Variants in DSC2 observed in about 807,000 individuals in gnomAD.
DSC2 encodes desmocollin 2, also known as desmocollin-2.
A neutral mutation model predicts 87.6 loss-of-function variants in DSC2; 51 were observed. The observed-to-expected ratio is 0.58, with a 90% CI of 0.46 to 0.74. The LOEUF (loss-of-function observed/expected upper bound fraction) is 0.74, where lower values mean the gene tolerates loss of function less well. DSC2 is among the 30% of genes least tolerant of loss of function. The pLI, the probability that DSC2 is intolerant of heterozygous loss-of-function variation, is 0.00. For synonymous variants in DSC2, 383 were observed against 393.2 expected (o/e 0.97, Z 0.31); for missense variants, 1,066 against 1,089.5 (o/e 0.98, Z 0.30).
At position 31,067,613 on chromosome 18, in the gene DSC2, C is replaced by T; in HGVS notation, c.*402G>A. On this transcript the variant is annotated 3_prime_UTR_variant, in exon 16 of 16. Transcript: ENST00000280904. Reference sequence around the variant, plus strand: ...CAACAGTTTCCAAGCACCACATGAACACTTAATTAACTGGAGATAATGTTA... The same window carrying T: ...CAACAGTTTCCAAGCACCACATGAATACTTAATTAACTGGAGATAATGTTA... 4.7e-6 allele frequency: 1 copy of T among 212,628 alleles called. No homozygotes were observed. The highest frequency in any genetic ancestry group is 9.5e-6 in the Non-Finnish European group (1 of 105,574). 13.2% of individuals were successfully genotyped at this position (212,628 alleles called of 1,614,324 possible). A position where few individuals can be genotyped will look rare whatever the true frequency, so the allele number is the denominator to read the frequency against.
intron 1 of DSC2, among the ~76,000 whole-genome samples, chr18:31,097,503 A>G (rs1025798195): frequency 8.6e-5 from 13 of 151,864 alleles, no homozygotes; most frequent in Middle Eastern, 6.8e-3. Flanking sequence ...GATACCAATA[A>G]AAACCTCCAT....
At position 31,101,904 on chromosome 18, in the gene DSC2, G is replaced by A. The variant is rs1478050070; in HGVS notation, c.68C>T (p.Ala23Val). 1 of 1,529,142 alleles carries A rather than the reference G, an allele frequency of 6.5e-7. No individual in the cohort carries two copies. The highest frequency in any genetic ancestry group is 8.7e-7 in the Non-Finnish European group (1 of 1,143,078). The allele number at this position is 1,529,142 out of a possible 1,614,324, so 94.7% of individuals were successfully genotyped here. ...AGCGGTGGCCGCGGCTACACTCACC[G>A]CGAGGGTCAGCAGGAGCAGCCGGCA... ...ALCRLLLLTLAILIFASDACK... is the reference protein window; with the variant it reads ...ALCRLLLLTLVILIFASDACK... The change falls in exon 1 of 16, where the codon GCG (alanine) becomes GTG (valine). Residue 23 changes from alanine (A) to valine (V), a missense_variant and splice_region_variant. Coordinates refer to ENST00000280904, the MANE Select transcript of DSC2 (RefSeq NM_024422.6).
intron 5 of DSC2, among the ~76,000 whole-genome samples, chr18:31,089,212 G>A (rs1043256064): frequency 6.0e-5 from 9 of 150,930 alleles, no homozygotes; most frequent in African/African-American, 1.9e-4. Flanking sequence ...CTGTTGTGGG[G>A]GAAAAAAAAA....
chr18:31,073,024 T>G (rs1315842663), intron 12 of DSC2, among the ~76,000 whole-genome samples: 1 of 152,208 alleles, frequency 6.6e-6, no homozygotes, highest in East Asian at 1.9e-4. Context: ...CGGTCAGATT[T>G]ACTTAACTAA....
rs1986647705 is a variant in DSC2, at chr18:31,067,116, AT to A, written c.*898del. On this transcript the variant is annotated 3_prime_UTR_variant, in exon 16 of 16. Coordinates refer to ENST00000280904, the MANE Select transcript of DSC2 (RefSeq NM_024422.6). ...AGATATTTGAAACAACAAAGTTAAC[AT>A]TACAATGATTTCAAGAAAAACTAAG... The A allele has an allele frequency of 6.6e-6, 1 of 152,050 alleles. No individual in the cohort carries two copies. The highest frequency in any genetic ancestry group is 1.5e-5 in the Non-Finnish European group (1 of 67,950). The allele number at this position is 152,050 out of a possible 1,614,324, so 9.4% of individuals were successfully genotyped here. A position where few individuals can be genotyped will look rare whatever the true frequency, so the allele number is the denominator to read the frequency against.
chr18:31,097,691 G>C (rs1987806880), intron 1 of DSC2, among the ~76,000 whole-genome samples: 1 of 151,816 alleles, frequency 6.6e-6, no homozygotes, highest in African/African-American at 2.4e-5. Flanking sequence ...TGAATAGAAT[G>C]ATATTTGACC....
At chr18:31,089,751 C>T (rs1987530829) in intron 4 of DSC2, among the ~76,000 whole-genome samples, 157 bp from the exon 5 acceptor site, 1 of 151,778 alleles carries the variant, frequency 6.6e-6, no homozygotes, top group South Asian at 2.1e-4. Flanking sequence ...TAAGAAAGTC[C>T]AATTGAGAAA....
rs1334854879 is a variant in DSC2, at chr18:31,063,624, G to A, written c.*4391C>T. 2 of 152,106 alleles carry A rather than the reference G, an allele frequency of 1.3e-5. No individual in the cohort carries two copies. Among genetic ancestry groups the A allele is most frequent in the East Asian group, 1.9e-4 (1 of 5,186 alleles). The allele number at this position is 152,106 out of a possible 1,614,324, so 9.4% of individuals were successfully genotyped here. On this transcript the variant is annotated 3_prime_UTR_variant, in exon 16 of 16. Coordinates refer to ENST00000280904, the MANE Select transcript of DSC2 (RefSeq NM_024422.6). ...AAAAATGAAGGATACAAGGAGATTG[G>A]GGAAATTAGTACAGAAGGTCCTCAA...
At chr18:31,076,243 G>A (rs536223855) in intron 11 of DSC2, among the ~76,000 whole-genome samples, 16 of 152,258 alleles carry the variant, frequency 1.1e-4, no homozygotes, top group Middle Eastern at 3.4e-3. Flanking sequence ...TAGAGCCAGC[G>A]TCATCATGGG....
At chr18:31,084,153 A>G (rs528788283) in intron 7 of DSC2, among the ~76,000 whole-genome samples, 1 of 152,224 alleles carries the variant, frequency 6.6e-6, no homozygotes, top group South Asian at 2.1e-4. Context: ...CATCTCTGAA[A>G]CTTTCTTTTC....
chr18:31,068,818 A>G (rs1986717431), intron 15 of DSC2, 76 bp downstream of exon 15: 2 of 1,542,794 alleles, frequency 1.3e-6, no homozygotes, highest in Non-Finnish European at 1.8e-6. Context: ...TGAAAATTAT[A>G]GTCAGAATCC....
In DSC2 at chr18:31,067,704, A is replaced by C. The variant is rs192386122; in HGVS notation, c.*311T>G. On this transcript the variant is annotated 3_prime_UTR_variant, in exon 16 of 16. Transcript: ENST00000280904. ...ATAGTCTATAATAAGGACTTGAATT[A>C]ATTACATTTTATTGCACTATAAATT... is the stretch of plus-strand genomic sequence containing the variant. 2 of 314,820 alleles carry C rather than the reference A, an allele frequency of 6.4e-6. No individual in the cohort carries two copies. The highest frequency in any genetic ancestry group is 4.8e-5 in the Admixed American group (1 of 20,960). 19.5% of individuals were successfully genotyped at this position (314,820 alleles called of 1,614,324 possible).
intron 15 of DSC2, chr18:31,068,455 T>C (rs1479300789): frequency 1.8e-6 from 2 of 1,131,136 alleles, no homozygotes; most frequent in African/African-American, 3.1e-5. Flanking sequence ...AGGTGTTCAT[T>C]TTACATAGTC....
At chr18:31,092,412 C>G (rs1987633363) in intron 2 of DSC2, 112 bp from the exon 3 acceptor site, 1 of 887,652 alleles carries the variant, frequency 1.1e-6, no homozygotes, top group Non-Finnish European at 1.8e-6. Flanking sequence ...TATACTGACA[C>G]TTGTAAATTT....
intron 1 of DSC2, among the ~76,000 whole-genome samples, chr18:31,098,218 G>A (rs967346358): frequency 3.3e-5 from 5 of 152,016 alleles, no homozygotes; most frequent in East Asian, 1.9e-4. Flanking sequence ...ACTAGGCCTC[G>A]TGGGCTCCAA....
chr18:31,094,170 G>A (rs1567983925), intron 1 of DSC2, among the ~76,000 whole-genome samples: 1 of 152,176 alleles, frequency 6.6e-6, no homozygotes, highest in African/African-American at 2.4e-5. Context: ...ATATACATAG[G>A]AAAGAGAAAA....
intron 11 of DSC2, among the ~76,000 whole-genome samples, chr18:31,079,340 A>G (rs945302409): frequency 1.3e-5 from 2 of 151,960 alleles, no homozygotes; most frequent in Non-Finnish European, 2.9e-5. Context: ...TGCAACCTCC[A>G]CCTCCTGGGT....
In DSC2 at chr18:31,101,895, A is replaced by G. The variant is rs921767833; in HGVS notation, c.69+8T>C. ...CTTCCCCGGAGCGGTGGCCGCGGCT[A>G]CACTCACCGCGAGGGTCAGCAGGAG... On this transcript the variant is annotated splice_region_variant and intron_variant, in intron 1 of 15. Coordinates refer to ENST00000280904, the MANE Select transcript of DSC2 (RefSeq NM_024422.6). 5.2e-6 allele frequency: 8 copies of G among 1,531,184 alleles called. No individual in the cohort carries two copies. The highest frequency in any genetic ancestry group is 1.7e-4 in the Middle Eastern group (1 of 5,956). The allele number at this position is 1,531,184 out of a possible 1,614,324, so 94.8% of individuals were successfully genotyped here. A position where few individuals can be genotyped will look rare whatever the true frequency, so the allele number is the denominator to read the frequency against.
At chr18:31,074,940 T>C (rs924713643) in intron 11 of DSC2, 33 bp from the exon 12 acceptor site, 15 of 1,572,050 alleles carry the variant, frequency 9.5e-6, no homozygotes, top group East Asian at 4.7e-5. Flanking sequence ...AGTTTTTCTA[T>C]GTTTTGAGTT....
Sources: gnomAD v4.1 joint callset for allele counts (sites outside exome capture counted in the v4.1 genomes callset) on GRCh38, gnomAD v4.1.1 for gene constraint, MANE v1.5 for transcripts, NCBI Gene and HGNC (gene_info 2026-07-23, HGNC 2026-07-21) for gene names.